Variants in AHR observed in about 807,000 individuals in gnomAD.
The protein encoded by AHR is AH-receptor.
AHR carries 40 observed loss-of-function variants against 86.8 expected under a neutral mutation model. The observed-to-expected ratio is 0.46, with a 90% confidence interval of 0.36 to 0.60. AHR has a LOEUF of 0.60. Among genes scored for constraint, AHR ranks in the 20% least tolerant of loss-of-function variants. The pLI is 0.00. For synonymous variants in AHR, 398 were observed against 354.9 expected (o/e 1.12, Z -1.37); for missense variants, 1,001 against 1,011.6 (o/e 0.99, Z 0.14).
chr7:17,329,082 G>T (rs886810343), intron 4 of AHR, among the ~76,000 whole-genome samples: 1 of 151,748 alleles, frequency 6.6e-6, no homozygotes, highest in African/African-American at 2.4e-5. Context: ...TTTTTTTCTC[G>T]CATATACACA....
intron 2 of AHR, among the ~76,000 whole-genome samples, chr7:17,317,116 G>GTTTTTTTTTTTTTT (rs66779121): frequency 1.6e-5 from 2 of 123,684 alleles, no homozygotes; most frequent in Non-Finnish European, 3.3e-5. Flanking sequence ...GGAGAATTTT[G>GTTTTTTTTTTTTTT]TTTTTTTTTT....
chr7:17,344,280 C>T lies in AHR; in HGVS notation c.*1216C>T, dbSNP rs1447138850. The stretch of plus-strand genomic sequence containing the variant: ...AGATTGCAGATAGCAAGGTTTGGTG[C>T]AAAGTATTGTAATGAGTGAATTGAA... On this transcript the variant is annotated 3_prime_UTR_variant, in exon 11 of 11. Transcript: ENST00000242057. 2.0e-5 allele frequency: 3 copies of T among 152,628 alleles called. No individual in the cohort carries two copies. The highest frequency in any genetic ancestry group is 6.6e-5 in the Admixed American group (1 of 15,264). The allele number at this position is 152,628 out of a possible 1,614,324, so 9.5% of individuals were successfully genotyped here. A position where few individuals can be genotyped will look rare whatever the true frequency, so the allele number is the denominator to read the frequency against.
At chr7:17,309,603 C>T (rs369365865) in intron 1 of AHR, among the ~76,000 whole-genome samples, 4 of 152,094 alleles carry the variant, frequency 2.6e-5, no homozygotes, top group African/African-American at 9.7e-5. Context: ...TTTAATTTTC[C>T]ACCAAACAAT....
intron 6 of AHR, among the ~76,000 whole-genome samples, chr7:17,333,557 AG>A (rs1222444019): frequency 2.6e-5 from 4 of 151,990 alleles, no homozygotes; most frequent in African/African-American, 9.7e-5. Context: ...TGTTTACTTT[AG>A]GACTTTATCA....
chr7:17,318,937 G>C (rs1372746787), intron 2 of AHR, among the ~76,000 whole-genome samples: 1 of 152,078 alleles, frequency 6.6e-6, no homozygotes, highest in Admixed American at 6.6e-5. Flanking sequence ...TCATCATACA[G>C]GTCTTCATCC....
At chr7:17,323,363 A>T (rs1021205221) in intron 3 of AHR, among the ~76,000 whole-genome samples, 4 of 152,224 alleles carry the variant, frequency 2.6e-5, no homozygotes, top group African/African-American at 4.8e-5. Context: ...TTTGTGACTT[A>T]TTAACATACT....
In AHR at chr7:17,339,474, T is replaced by C. The variant is rs141403259; in HGVS notation, c.1649T>C (p.Phe550Ser). The C allele has an allele frequency of 3.4e-4, 552 of 1,614,186 alleles. 1 individual carries two copies. Among genetic ancestry groups the C allele is most frequent in the Non-Finnish European group, 2.7e-4 (313 of 1,180,044 alleles). ...YSIMKNLGIDFEDIRHMQNEK... is the reference protein window; with the variant it reads ...YSIMKNLGIDSEDIRHMQNEK... Reference sequence around the variant, plus strand: ...ATAATGAAAAACCTAGGCATTGATTTTGAAGACATCAGACACATGCAGAAT... The same window carrying C: ...ATAATGAAAAACCTAGGCATTGATTCTGAAGACATCAGACACATGCAGAAT... Residue 550 changes from phenylalanine to serine, a missense_variant, in exon 10 of 11, where the codon TTT becomes TCT. Around this residue, in one of 2 missense-constraint regions of AHR, gnomAD observed 607 missense variants for 543.1 expected, o/e 1.12. Transcript: ENST00000242057.
intron 9 of AHR, among the ~76,000 whole-genome samples, chr7:17,336,289 T>C (rs1370181149): frequency 6.6e-6 from 1 of 152,138 alleles, no homozygotes; most frequent in Non-Finnish European, 1.5e-5. Context: ...ATTGAAAAGA[T>C]GATTTACCGA....
chr7:17,316,661 C>G (rs1016504891), intron 2 of AHR, among the ~76,000 whole-genome samples: 3 of 152,104 alleles, frequency 2.0e-5, no homozygotes, highest in Non-Finnish European at 4.4e-5. Context: ...CATAAAGAAC[C>G]TTAATGAATT....
chr7:17,299,492 G>A lies in AHR; in HGVS notation c.65+163G>A, dbSNP rs1781932124. On this transcript the variant is annotated intron_variant, in intron 1 of 10. Transcript: ENST00000242057. ...TTTGGAGGCCGGCTGGGAGACAGAG[G>A]ACTTGGATTCTCCCGTTTTCAATGA... is the stretch of plus-strand genomic sequence containing the variant. 5.3e-6 allele frequency: 4 copies of A among 759,278 alleles called. No individual in the cohort carries two copies. In the South Asian group the frequency reaches 5.6e-5, roughly 11 times the overall value. The allele number at this position is 759,278 out of a possible 1,614,324, so 47.0% of individuals were successfully genotyped here. A position where few individuals can be genotyped will look rare whatever the true frequency, so the allele number is the denominator to read the frequency against.
chr7:17,322,517 C>G lies in AHR; in HGVS notation c.270C>G (p.Ser90=). 6.2e-7 allele frequency: 1 copy of G among 1,610,142 alleles called. No homozygotes were observed. The highest frequency in any genetic ancestry group is 1.1e-5 in the South Asian group (1 of 90,766). Residue 90 remains serine (S), a synonymous_variant, in exon 3 of 11, where the codon TCC becomes TCG. Coordinates refer to ENST00000242057, the MANE Select transcript of AHR (RefSeq NM_001621.5). The part of the protein sequence containing the change: ...KSFFDVALKS[S]PTERNGGQDN... ...TTTCCATAGTTGCATTAAAATCCTC[C>G]CCTACTGAAAGAAACGGAGGCCAGG...
In AHR at chr7:17,310,083, G is replaced by C; in HGVS notation, c.213G>C (p.Arg71Ser). 6.2e-7 allele frequency: 1 copy of C among 1,613,866 alleles called. No homozygotes were observed. The highest frequency in any genetic ancestry group is 8.5e-7 in the Non-Finnish European group (1 of 1,179,824). Residue 71 changes from arginine to serine, a missense_variant, in exon 2 of 11, where the codon AGG becomes AGC. Arg to Ser is a moderately radical substitution (Grantham distance 110). Around this residue, in one of 2 missense-constraint regions of AHR, gnomAD observed 394 missense variants for 468.5 expected, o/e 0.84. Coordinates refer to ENST00000242057, the MANE Select transcript of AHR (RefSeq NM_001621.5). ...INKLDKLSVL[R>S]LSVSYLRAKS... ...AGTTGGACAAACTTTCAGTTCTTAG[G>C]CTCAGCGTCAGTTACCTGAGAGCCA...
chr7:17,308,793 A>G (rs1209827694), intron 1 of AHR, among the ~76,000 whole-genome samples: 8 of 152,116 alleles, frequency 5.3e-5, no homozygotes, highest in South Asian at 4.1e-4. Context: ...CTTTCTGCCT[A>G]AAGTATTACT....
At chr7:17,306,761 G>A (rs560038823) in intron 1 of AHR, among the ~76,000 whole-genome samples, 1 of 152,182 alleles carries the variant, frequency 6.6e-6, no homozygotes, top group East Asian at 1.9e-4. Context: ...CCTATAGTGA[G>A]TTAGTTTAGT....
At chr7:17,317,866 C>T (rs1782131655) in intron 2 of AHR, among the ~76,000 whole-genome samples, 1 of 152,076 alleles carries the variant, frequency 6.6e-6, no homozygotes, top group Admixed American at 6.6e-5. Flanking sequence ...GCAACTCATT[C>T]CCCACTGAAA....
chr7:17,322,617 A>G lies in AHR; in HGVS notation c.360+10A>G. On this transcript the variant is annotated intron_variant, in intron 3 of 10. Coordinates refer to ENST00000242057, the MANE Select transcript of AHR (RefSeq NM_001621.5). ...AGAATTCTTATTACAGGTAAATTTT[A>G]GTAAATATAGTTTCTTACACTAAGG... The G allele has an allele frequency of 6.6e-7, 1 of 1,515,784 alleles. No individual in the cohort carries two copies. Among genetic ancestry groups the G allele is most frequent in the Non-Finnish European group, 9.1e-7 (1 of 1,093,596 alleles). 93.9% of individuals were successfully genotyped at this position (1,515,784 alleles called of 1,614,324 possible). A position where few individuals can be genotyped will look rare whatever the true frequency, so the allele number is the denominator to read the frequency against.
At chr7:17,313,301 G>C (rs1213330744) in intron 2 of AHR, among the ~76,000 whole-genome samples, 2 of 152,080 alleles carry the variant, frequency 1.3e-5, no homozygotes, top group African/African-American at 4.8e-5. Context: ...TAGGATTTTT[G>C]TGTGCAGTTG....
At chr7:17,323,864 T>C (rs1281477532) in intron 3 of AHR, among the ~76,000 whole-genome samples, 1 of 152,172 alleles carries the variant, frequency 6.6e-6, no homozygotes, top group Non-Finnish European at 1.5e-5. Flanking sequence ...ATTCAGGTCA[T>C]AGGAAAGCAT....
At chr7:17,329,807 A>C in intron 4 of AHR, 145 bp from the exon 5 acceptor site, 1 of 676,608 alleles carries the variant, frequency 1.5e-6, no homozygotes, top group South Asian at 2.2e-5. Flanking sequence ...GTTCTATCTT[A>C]GGTGACTAGG....
Sources: gnomAD v4.1 joint callset for allele counts (sites outside exome capture counted in the v4.1 genomes callset) on GRCh38, gnomAD v4.1.1 for gene constraint, gnomAD v4.1.1 regional missense constraint, MANE v1.5 for transcripts, NCBI Gene and HGNC (gene_info 2026-07-23, HGNC 2026-07-21) for gene names.